SNX29: variants seen among roughly 807,000 people sequenced by gnomAD.
SNX29 encodes sorting nexin 29.
A neutral mutation model predicts 102.1 loss-of-function variants in SNX29; 78 were observed. The observed-to-expected ratio is 0.76, with a 90% CI of 0.64 to 0.92. The LOEUF is 0.92. Ranked by LOEUF, SNX29 falls within the 40% of genes least tolerant of loss-of-function variation. The probability of loss-of-function intolerance (pLI) is 0.00; values close to 1 mark genes in which losing one functional copy is unlikely to be tolerated. For missense variants in SNX29, 1,280 were observed against 1,061.7 expected, an observed-to-expected ratio of 1.21 and a Z score of -2.86; for synonymous variants, 580 against 414.5, an observed-to-expected ratio of 1.40 and a Z score of -4.85.
At chr16:12,341,473 G>A (rs769880632) in intron 15 of SNX29, among the ~76,000 whole-genome samples, 2 of 152,198 alleles carry the variant, frequency 1.3e-5, no homozygotes, top group Non-Finnish European at 2.9e-5. Context: ...TGTCAGAATA[G>A]GATTGGTTCT....
At position 12,373,275 on chromosome 16, in the gene SNX29, G is replaced by A. The variant is rs192361858; in HGVS notation, c.1899+16996G>A. Among the ~76,000 whole-genome samples, 3 of 152,254 alleles carry A rather than the reference G, an allele frequency of 2.0e-5. No individual in the cohort carries two copies. The East Asian group carries it at 5.8e-4, about 29-fold the overall frequency. ...AGCCTCCTGAGTAGCTGGGATTACA[G>A]GCATGCACCACCACACTTGGCTAAC... On this transcript the variant is annotated intron_variant, in intron 16 of 20. Coordinates refer to ENST00000566228, the MANE Select transcript of SNX29 (RefSeq NM_032167.5).
chr16:12,412,112 G>A (rs923243624), intron 18 of SNX29, among the ~76,000 whole-genome samples: 4 of 152,212 alleles, frequency 2.6e-5, no homozygotes, highest in African/African-American at 4.8e-5. Flanking sequence ...GGTTACATGA[G>A]GCTTTGCGGA....
chr16:12,148,596 T>G (rs2141567441), intron 13 of SNX29, among the ~76,000 whole-genome samples: 1 of 152,334 alleles, frequency 6.6e-6, no homozygotes, highest in South Asian at 2.1e-4. Context: ...TCCATAGCAT[T>G]TCTTGTTTTC....
chr16:12,343,821 C>T (rs1307241540), intron 15 of SNX29, among the ~76,000 whole-genome samples: 1 of 152,284 alleles, frequency 6.6e-6, no homozygotes, highest in Non-Finnish European at 1.5e-5. Flanking sequence ...AATGAAGAAA[C>T]GTGAATGAAT....
At chr16:12,485,368 C>G (rs1373563093) in intron 19 of SNX29, among the ~76,000 whole-genome samples, 1 of 152,190 alleles carries the variant, frequency 6.6e-6, no homozygotes, top group Non-Finnish European at 1.5e-5. Context: ...GACTGTCATT[C>G]CTTCTTAGGA....
intron 3 of SNX29, among the ~76,000 whole-genome samples, chr16:12,008,152 G>T (rs1048682082): frequency 1.3e-5 from 2 of 152,162 alleles, no homozygotes; most frequent in African/African-American, 2.4e-5. Flanking sequence ...CACCGTGTTA[G>T]CCAGGATAGT....
intron 14 of SNX29, among the ~76,000 whole-genome samples, chr16:12,244,545 G>A (rs765652822): frequency 6.6e-6 from 1 of 152,028 alleles, no homozygotes; most frequent in Non-Finnish European, 1.5e-5. Flanking sequence ...GGGAGGCAGC[G>A]GTTGCAGTGA....
intron 15 of SNX29, among the ~76,000 whole-genome samples, chr16:12,290,085 T>G (rs1365492504): frequency 6.6e-6 from 1 of 152,130 alleles, no homozygotes; most frequent in Non-Finnish European, 1.5e-5. Flanking sequence ...AATGACAAAC[T>G]ACTCTGGGCC....
chr16:12,571,039 C>T lies in SNX29; in HGVS notation c.*2410C>T, dbSNP rs1377513450. 2 of 232,716 alleles carry T rather than the reference C, an allele frequency of 8.6e-6. No individual in the cohort carries two copies. Among genetic ancestry groups the T allele is most frequent in the Non-Finnish European group, 1.7e-5 (2 of 117,764 alleles). 14.4% of individuals were successfully genotyped at this position (232,716 alleles called of 1,614,324 possible). ...ATCTCGCAGATCCAGACCATCTCCT[C>T]TCATTCTCACTCTAAAAATGCTGGT... On this transcript the variant is annotated 3_prime_UTR_variant, in exon 21 of 21. Coordinates refer to ENST00000566228, the MANE Select transcript of SNX29 (RefSeq NM_032167.5).
At chr16:12,377,309 C>T (rs1224196951) in intron 16 of SNX29, among the ~76,000 whole-genome samples, 2 of 152,176 alleles carry the variant, frequency 1.3e-5, no homozygotes, top group Non-Finnish European at 2.9e-5. Context: ...GTCACTTGTC[C>T]TTCGTGAAGT....
chr16:12,318,372 G>C (rs757387536), intron 15 of SNX29, among the ~76,000 whole-genome samples: 2 of 152,168 alleles, frequency 1.3e-5, no homozygotes, highest in East Asian at 3.8e-4. Context: ...CTGATGCATC[G>C]TTTGCCGGAT....
At position 12,006,978 on chromosome 16, in the gene SNX29, G is replaced by A. The variant is rs529343334; in HGVS notation, c.122+3935G>A. Among the ~76,000 whole-genome samples the A allele has an allele frequency of 3.7e-4, 57 of 152,242 alleles. No homozygotes were observed. The East Asian group carries it at 9.8e-3, about 26-fold the overall frequency. Reference sequence around the variant, plus strand: ...AGAGAGGCAAAATGCCATAGCCTACGTTAGACGTTTTGGAACGGCTAGAGT... The same window carrying A: ...AGAGAGGCAAAATGCCATAGCCTACATTAGACGTTTTGGAACGGCTAGAGT... On this transcript the variant is annotated intron_variant, in intron 3 of 20. Transcript: ENST00000566228.
chr16:12,067,688 A>C (rs2051098340), intron 9 of SNX29, among the ~76,000 whole-genome samples: 2 of 152,126 alleles, frequency 1.3e-5, no homozygotes, highest in Admixed American at 1.3e-4. Flanking sequence ...GGGTTTTGCC[A>C]TGTTAGCCAG....
At chr16:12,541,159 G>C (rs148142156) in intron 20 of SNX29, among the ~76,000 whole-genome samples, 116 of 152,294 alleles carry the variant, frequency 7.6e-4, no homozygotes, top group African/African-American at 2.2e-3. Context: ...ATCATACCCA[G>C]ACCTGGAACC....
Position 11,982,418 on chromosome 16 carries a change from C to T in SNX29, c.7+5605C>T, listed in dbSNP as rs139080890. 9.0e-3 allele frequency among the ~76,000 whole-genome samples: 1,270 copies of T among 140,706 alleles called. 6 individuals are homozygous for T. The highest frequency in any genetic ancestry group is 0.015 in the Non-Finnish European group (1,020 of 66,104). 92.3% of individuals were successfully genotyped at this position (140,706 alleles called of 152,430 possible). A position where few individuals can be genotyped will look rare whatever the true frequency, so the allele number is the denominator to read the frequency against. On this transcript the variant is annotated intron_variant, in intron 1 of 20. Coordinates refer to ENST00000566228, the MANE Select transcript of SNX29 (RefSeq NM_032167.5). ...CCTTAAGTTCCTGGATGCTCCTTTC[C>T]ATCAGTTTTTTTTTTTTTTTTTTTG...
At chr16:12,534,869 G>T (rs760466199) in intron 20 of SNX29, among the ~76,000 whole-genome samples, 1 of 152,168 alleles carries the variant, frequency 6.6e-6, no homozygotes, top group Non-Finnish European at 1.5e-5. Context: ...AACCATGGGG[G>T]ACAGTGCCAC....
At chr16:12,388,403 T>A (rs7204072) in intron 16 of SNX29, among the ~76,000 whole-genome samples, 30,666 of 152,180 alleles carry the variant, frequency 0.2, 4,252 homozygotes, top group African/African-American at 0.39. Flanking sequence ...CAGGGGCCTC[T>A]TTTGATTCTC....
At position 12,096,959 on chromosome 16, in the gene SNX29, G is replaced by A. The variant is rs993128152; in HGVS notation, c.1402+18044G>A. Among the ~76,000 whole-genome samples the A allele has an allele frequency of 3.0e-4, 46 of 152,156 alleles. No homozygotes were observed. The highest frequency in any genetic ancestry group is 1.1e-3 in the African/African-American group (46 of 41,426). On this transcript the variant is annotated intron_variant, in intron 11 of 20. Transcript: ENST00000566228. The surrounding 1 kb of genome is among the most constrained non-coding windows in gnomAD (Gnocchi z 4.2). ...GGGAAAGGTTAAGGGCTCGGTGCAG[G>A]GGAGGTCAGGAGGTCTTGCACAGAT... is the stretch of plus-strand genomic sequence containing the variant.
intron 7 of SNX29, among the ~76,000 whole-genome samples, chr16:12,049,281 G>T (rs1189592883): frequency 6.6e-6 from 1 of 152,050 alleles, no homozygotes; most frequent in Admixed American, 6.6e-5. Context: ...TTGAGTTCAA[G>T]GGTTCTAGAC....
Sources: allele counts gnomAD v4.1 joint callset (sites outside exome capture counted in the v4.1 genomes callset), GRCh38; gene constraint gnomAD v4.1.1; non-coding constraint Gnocchi (gnomAD v3.1); transcripts MANE v1.5; gene names NCBI Gene and HGNC (gene_info 2026-07-23, HGNC 2026-07-21).